MARCHF8: variants seen among roughly 807,000 people sequenced by gnomAD.
The protein encoded by MARCHF8 is E3 ubiquitin-protein ligase MARCHF8.
A neutral mutation model predicts 51.6 loss-of-function variants in MARCHF8; 40 were observed. That is an observed-to-expected ratio of 0.77 (90% CI 0.60 to 1.01). The LOEUF (loss-of-function observed/expected upper bound fraction) is 1.01. Among genes scored for constraint, MARCHF8 ranks in the 50% least tolerant of loss-of-function variants. The probability of loss-of-function intolerance (pLI) is 0.00; values close to 1 mark genes in which losing one functional copy is unlikely to be tolerated. For missense variants in MARCHF8, 685 were observed against 708.6 expected (o/e 0.97, Z 0.38); for synonymous variants, 263 against 280.3 (o/e 0.94, Z 0.62).
chr10:45,573,683 T>C (rs1312888239), intron 1 of MARCHF8, among the ~76,000 whole-genome samples: 1 of 152,196 alleles, frequency 6.6e-6, no homozygotes, highest in East Asian at 1.9e-4. Context: ...TAAAGACTGA[T>C]GCTGCCCGAT....
At chr10:45,460,740 G>T (rs1019198249) in intron 6 of MARCHF8, among the ~76,000 whole-genome samples, 4 of 152,146 alleles carry the variant, frequency 2.6e-5, no homozygotes, top group Non-Finnish European at 5.9e-5. Flanking sequence ...TGCACATCAC[G>T]CAACGTTTGT....
chr10:45,541,248 G>A (rs2044048222), intron 1 of MARCHF8, among the ~76,000 whole-genome samples: 1 of 152,126 alleles, frequency 6.6e-6, no homozygotes. Context: ...CCATAAAAAA[G>A]GATGAATTCA....
intron 1 of MARCHF8, among the ~76,000 whole-genome samples, chr10:45,541,763 T>C (rs2044055904): frequency 6.6e-6 from 1 of 151,886 alleles, no homozygotes; most frequent in Non-Finnish European, 1.5e-5. Context: ...AGAGGGAACG[T>C]TGGGTAAGAA....
intron 3 of MARCHF8, among the ~76,000 whole-genome samples, chr10:45,474,766 G>A (rs2042755901): frequency 6.6e-6 from 1 of 152,168 alleles, no homozygotes; most frequent in Admixed American, 6.5e-5. Context: ...AGCAGGCAAG[G>A]AGAGGGCAGT....
chr10:45,568,938 G>A (rs1007207618), intron 1 of MARCHF8, among the ~76,000 whole-genome samples: 22 of 151,096 alleles, frequency 1.5e-4, no homozygotes, highest in African/African-American at 2.7e-4. Context: ...GGTAGTGGGC[G>A]CCTGTAGTCC....
chr10:45,568,584 TGGC>T (rs2044391409), intron 1 of MARCHF8, among the ~76,000 whole-genome samples: 1 of 151,840 alleles, frequency 6.6e-6, no homozygotes, highest in Non-Finnish European at 1.5e-5. Context: ...CTGGGTGTGG[TGGC>T]ACGTGCCTGT....
In MARCHF8 at chr10:45,455,547, G is replaced by C. The variant is rs1027545401; in HGVS notation, c.*2692C>G. On this transcript the variant is annotated 3_prime_UTR_variant, in exon 8 of 8. Transcript: ENST00000453424. ...CACTAAACCCAGGTGCAAAATGGGG[G>C]GGGAAGGGGGGAAGCTGGGGAGTAC... The C allele has an allele frequency of 6.6e-6, 1 of 152,190 alleles. No homozygotes were observed. Among genetic ancestry groups the C allele is most frequent in the Non-Finnish European group, 1.5e-5 (1 of 68,136 alleles). The allele number at this position is 152,190 out of a possible 1,614,324, so 9.4% of individuals were successfully genotyped here.
rs372111867 is a variant in MARCHF8, at chr10:45,498,888, T to C, written c.103-9471A>G. Among the ~76,000 whole-genome samples, 25 of 152,372 alleles carry C rather than the reference T, an allele frequency of 1.6e-4. No homozygotes were observed. The East Asian group carries it at 1.9e-3, about 12-fold the overall frequency. ...TTGTATTGCTTCCACCCTTTGGCAC[T>C]GTAAATAATGTTGCTATGAACACAG... On this transcript the variant is annotated intron_variant, in intron 2 of 7. Coordinates refer to ENST00000453424, the MANE Select transcript of MARCHF8 (RefSeq NM_001282866.2).
intron 4 of MARCHF8, 42 bp from the exon 5 acceptor site, chr10:45,464,038 C>T (rs1473813554): frequency 6.6e-7 from 1 of 1,506,646 alleles, no homozygotes. Context: ...AAAGTAAAAA[C>T]AATTTTAAAA....
chr10:45,496,581 C>T (rs1192204230), intron 2 of MARCHF8, among the ~76,000 whole-genome samples: 1 of 152,056 alleles, frequency 6.6e-6, no homozygotes, highest in African/African-American at 2.4e-5. Flanking sequence ...ACATATAATG[C>T]TCTCCTTTCC....
intron 2 of MARCHF8, among the ~76,000 whole-genome samples, chr10:45,502,751 C>T (rs2043304646): frequency 6.6e-6 from 1 of 152,086 alleles, no homozygotes; most frequent in Non-Finnish European, 1.5e-5. Context: ...CAAAGAGTAA[C>T]AACAAGATTA....
At chr10:45,506,418 C>T (rs11239541) in intron 2 of MARCHF8, among the ~76,000 whole-genome samples, 49,357 of 152,024 alleles carry the variant, frequency 0.32, 8,196 homozygotes, top group Admixed American at 0.37. Flanking sequence ...TACTTAATGT[C>T]TAAGATTATG....
upstream of MARCHF8, among the ~76,000 whole-genome samples, chr10:45,535,874 C>A (rs2043964304): frequency 6.6e-6 from 1 of 152,182 alleles, no homozygotes; most frequent in South Asian, 2.1e-4. Flanking sequence ...CTAACATGAA[C>A]ATTCACATCT....
At chr10:45,499,590 A>C (rs1246514624) in intron 2 of MARCHF8, among the ~76,000 whole-genome samples, 2 of 152,182 alleles carry the variant, frequency 1.3e-5, no homozygotes, top group East Asian at 1.9e-4. Context: ...ATTTTGAGCT[A>C]ATCTTTCTAC....
chr10:45,533,971 C>G (rs560545314), intron 1 of MARCHF8, among the ~76,000 whole-genome samples: 142 of 152,300 alleles, frequency 9.3e-4, no homozygotes, highest in Non-Finnish European at 1.7e-3. Flanking sequence ...ATCACGAGGT[C>G]AGGAGATCGA....
At chr10:45,525,852 C>T (rs2043783416) in intron 2 of MARCHF8, among the ~76,000 whole-genome samples, 1 of 152,096 alleles carries the variant, frequency 6.6e-6, no homozygotes, top group East Asian at 1.9e-4. Flanking sequence ...CAGTATTCTT[C>T]AAAACTGTCA....
chr10:45,573,710 T>G (rs1394409790), intron 1 of MARCHF8, among the ~76,000 whole-genome samples: 2 of 152,210 alleles, frequency 1.3e-5, no homozygotes, highest in Non-Finnish European at 2.9e-5. Flanking sequence ...AGAAGCCTCC[T>G]GGACCATCAC....
At chr10:45,514,215 A>G (rs1324781060) in intron 2 of MARCHF8, among the ~76,000 whole-genome samples, 1 of 152,224 alleles carries the variant, frequency 6.6e-6, no homozygotes. Context: ...CTGGCTGGGA[A>G]CCTCAAGAGT....
Position 45,529,065 on chromosome 10 carries a change from A to T in MARCHF8, c.102+4045T>A, listed in dbSNP as rs140392188. On this transcript the variant is annotated intron_variant, in intron 2 of 7. Coordinates refer to ENST00000453424, the MANE Select transcript of MARCHF8 (RefSeq NM_001282866.2). ...TGAGGCATCAAATTACTTGACTTCA[A>T]ATTGTACTATAAGGCTATAACAACC... 1.5e-3 allele frequency among the ~76,000 whole-genome samples: 232 copies of T among 152,396 alleles called. 1 individual carries two copies. The highest frequency in any genetic ancestry group is 5.5e-3 in the African/African-American group (228 of 41,600).
Sources: allele counts gnomAD v4.1 joint callset (sites outside exome capture counted in the v4.1 genomes callset), GRCh38; gene constraint gnomAD v4.1.1; transcripts MANE v1.5; gene names NCBI Gene and HGNC (gene_info 2026-07-23, HGNC 2026-07-21).